The following AGBL4 variants were observed in gnomAD, a reference collection of about 807,000 sequenced individuals.
AGBL4 encodes the protein AGBL carboxypeptidase 4, also known as cytosolic carboxypeptidase 6.
Under a neutral mutation model 66.4 loss-of-function variants are expected in AGBL4, and 58 were observed. The ratio of observed to expected loss-of-function variants is 0.87; its 90% confidence interval spans 0.71 to 1.09. The LOEUF (loss-of-function observed/expected upper bound fraction) is 1.09, where lower values mean the gene tolerates loss of function less well. Ranked by LOEUF, AGBL4 falls within the 50% of genes least tolerant of loss-of-function variation. The probability of loss-of-function intolerance (pLI) is 0.00; values close to 1 mark genes in which losing one functional copy is unlikely to be tolerated. For synonymous variants in AGBL4, 234 were observed against 222.9 expected (o/e 1.05, Z -0.44); for missense variants, 579 against 631.0 (o/e 0.92, Z 0.88).
chr1:49,948,027 A>AATATATAAATATATAAAAAT (rs1553151826), intron 1 of AGBL4, among the ~76,000 whole-genome samples: 1 of 75,870 alleles, frequency 1.3e-5, no homozygotes, highest in African/African-American at 6.9e-5. Context: ...AATATATATA[A>AATATATAAATATATAAAAAT]ATATATATAC....
At chr1:49,570,967 C>T (rs1411209931) in intron 3 of AGBL4, among the ~76,000 whole-genome samples, 1 of 152,012 alleles carries the variant, frequency 6.6e-6, no homozygotes, top group Non-Finnish European at 1.5e-5. Context: ...ATACCATTAC[C>T]ATGCTGTTTT....
intron 2 of AGBL4, among the ~76,000 whole-genome samples, chr1:49,798,362 G>A (rs942283008): frequency 1.3e-5 from 2 of 152,288 alleles, no homozygotes; most frequent in African/African-American, 4.8e-5. Flanking sequence ...GATGGTGTCA[G>A]TTAACAGTCA....
chr1:49,644,339 T>A (rs1276341921), intron 3 of AGBL4, among the ~76,000 whole-genome samples: 1 of 151,346 alleles, frequency 6.6e-6, no homozygotes, highest in African/African-American at 2.4e-5. Flanking sequence ...TTCCAAACAC[T>A]CTAACTAAAA....
chr1:49,698,130 TAG>T (rs767670747), intron 2 of AGBL4, among the ~76,000 whole-genome samples: 1 of 152,150 alleles, frequency 6.6e-6, no homozygotes, highest in Non-Finnish European at 1.5e-5. Flanking sequence ...AGTGAATTGT[TAG>T]AGAGGCAAGA....
At chr1:49,679,022 T>C (rs1249392591) in intron 3 of AGBL4, among the ~76,000 whole-genome samples, 2 of 152,148 alleles carry the variant, frequency 1.3e-5, no homozygotes, top group African/African-American at 4.8e-5. Context: ...ATTCTCATAT[T>C]GGGTGGAGTG....
intron 1 of AGBL4, among the ~76,000 whole-genome samples, chr1:49,867,297 A>G (rs1031186941): frequency 2.7e-5 from 4 of 150,096 alleles, no homozygotes; most frequent in Non-Finnish European, 5.9e-5. Flanking sequence ...CACTCTTACT[A>G]TAACTTCCTT....
intron 5 of AGBL4, among the ~76,000 whole-genome samples, chr1:49,028,830 G>A (rs1450475729): frequency 2.0e-5 from 3 of 152,090 alleles, no homozygotes; most frequent in African/African-American, 7.2e-5. Context: ...CTACCTGACT[G>A]AATCCAGCAA....
intron 3 of AGBL4, among the ~76,000 whole-genome samples, chr1:49,503,732 C>G (rs535952755): frequency 3.3e-5 from 5 of 152,116 alleles, no homozygotes; most frequent in African/African-American, 1.2e-4. Flanking sequence ...GGCCTATGGC[C>G]CTTTTGTTTA....
At chr1:49,871,479 G>C (rs536053362) in intron 1 of AGBL4, among the ~76,000 whole-genome samples, 2 of 152,116 alleles carry the variant, frequency 1.3e-5, no homozygotes, top group South Asian at 2.1e-4. Context: ...ATCCTATTCT[G>C]TTATATCAAG....
chr1:49,741,152 A>G (rs1650420756), intron 2 of AGBL4, among the ~76,000 whole-genome samples: 1 of 152,230 alleles, frequency 6.6e-6, no homozygotes, highest in Non-Finnish European at 1.5e-5. Context: ...ATAGACCGCT[A>G]GCAAGACTAA....
rs954902237 is a variant in AGBL4 at position 49,829,346 on chromosome 1, G to T, written c.157+22050C>A. Among the ~76,000 whole-genome samples the T allele has an allele frequency of 7.2e-5, 11 of 152,160 alleles. 1 individual carries two copies. Among genetic ancestry groups the T allele is most frequent in the African/African-American group, 2.7e-4 (11 of 41,428 alleles). On this transcript the variant is annotated intron_variant, in intron 2 of 13. Transcript: ENST00000371839. The stretch of plus-strand genomic sequence containing the variant: ...AAACAAGATAGGTCAGTCCGAGACA[G>T]GGGGAGAATGAAGATGTTGTAATCA...
chr1:48,702,261 C>T (rs1646813905), intron 6 of AGBL4, among the ~76,000 whole-genome samples: 1 of 151,898 alleles, frequency 6.6e-6, no homozygotes, highest in African/African-American at 2.4e-5. Context: ...CCCTATGTTC[C>T]CCTCTTCTTC....
At chr1:49,530,275 A>AAAAAAAAAAAAAAAAAC (rs1553221144) in intron 3 of AGBL4, among the ~76,000 whole-genome samples, 1 of 141,336 alleles carries the variant, frequency 7.1e-6, no homozygotes, top group Non-Finnish European at 1.5e-5. Context: ...AAAAAAAACA[A>AAAAAAAAAAAAAAAAAC]AAAAAAACTC....
intron 6 of AGBL4, among the ~76,000 whole-genome samples, chr1:48,841,561 C>A (rs1646803931): frequency 6.6e-6 from 1 of 152,092 alleles, no homozygotes; most frequent in Non-Finnish European, 1.5e-5. Context: ...CCCCGCCCTC[C>A]AACCCCCCAC....
chr1:48,903,160 T>G (rs768896563), intron 5 of AGBL4, among the ~76,000 whole-genome samples: 9 of 152,256 alleles, frequency 5.9e-5, no homozygotes, highest in Non-Finnish European at 1.0e-4. Flanking sequence ...AATTGGAATT[T>G]GTCTGCAACT....
intron 5 of AGBL4, among the ~76,000 whole-genome samples, chr1:48,898,616 G>A (rs951455064): frequency 6.6e-6 from 1 of 151,298 alleles, no homozygotes; most frequent in Admixed American, 6.6e-5. Context: ...TGGTATATCC[G>A]GATTCTCTAT....
chr1:48,716,374 C>A (rs1027502060), intron 6 of AGBL4, among the ~76,000 whole-genome samples: 8 of 151,684 alleles, frequency 5.3e-5, no homozygotes, highest in African/African-American at 1.2e-4. Flanking sequence ...GCGTCCACAT[C>A]TTCATAATGG....
intron 2 of AGBL4, among the ~76,000 whole-genome samples, chr1:49,716,019 C>T (rs968596612): frequency 6.6e-6 from 1 of 152,004 alleles, no homozygotes; most frequent in Non-Finnish European, 1.5e-5. Flanking sequence ...GTCATGAAGT[C>T]GTTGCCCATG....
At chr1:49,991,344 T>C (rs1330648086) in intron 1 of AGBL4, among the ~76,000 whole-genome samples, 1 of 152,150 alleles carries the variant, frequency 6.6e-6, no homozygotes, top group Non-Finnish European at 1.5e-5. Flanking sequence ...ATTATATACC[T>C]ATATTTCAAT....
Sources: allele counts gnomAD v4.1 joint callset (sites outside exome capture counted in the v4.1 genomes callset), GRCh38; gene constraint gnomAD v4.1.1; transcripts MANE v1.5; gene names NCBI Gene and HGNC (gene_info 2026-07-23, HGNC 2026-07-21).